Variants in PTPN14 observed in about 807,000 individuals in gnomAD.
PTPN14 encodes the protein tyrosine-protein phosphatase non-receptor type 14.
Under a neutral mutation model 126.8 loss-of-function variants are expected in PTPN14, and 53 were observed. The observed-to-expected ratio is 0.42, with a 90% CI of 0.34 to 0.53. The LOEUF (loss-of-function observed/expected upper bound fraction) is 0.53, where lower values mean the gene tolerates loss of function less well. Ranked by LOEUF, PTPN14 falls within the 20% of genes least tolerant of loss-of-function variation. The probability of loss-of-function intolerance (pLI) is 0.08; values close to 1 mark genes in which losing one functional copy is unlikely to be tolerated. For missense variants in PTPN14, 1,257 were observed against 1,552.9 expected (o/e 0.81, Z 3.20); for synonymous variants, 630 against 599.3 (o/e 1.05, Z -0.75).
chr1:214,489,064 G>A (rs1360964515), intron 1 of PTPN14, among the ~76,000 whole-genome samples: 1 of 152,120 alleles, frequency 6.6e-6, no homozygotes, highest in Non-Finnish European at 1.5e-5. Context: ...TTAAGATCTG[G>A]GCCTTGACTA....
At chr1:214,485,307 C>T (rs1472352797) in intron 1 of PTPN14, among the ~76,000 whole-genome samples, 1 of 152,158 alleles carries the variant, frequency 6.6e-6, no homozygotes, top group Non-Finnish European at 1.5e-5. Flanking sequence ...CAAAAAGCAC[C>T]GTGAAGCATT....
chr1:214,373,390 A>T (rs1348937477), intron 15 of PTPN14, among the ~76,000 whole-genome samples: 2 of 152,212 alleles, frequency 1.3e-5, no homozygotes, highest in Non-Finnish European at 2.9e-5. Context: ...CAGTATATGC[A>T]AACTAGTGCC....
chr1:214,406,371 C>T lies in PTPN14; in HGVS notation c.511-3418G>A, dbSNP rs575573207. Among the ~76,000 whole-genome samples the T allele has an allele frequency of 9.2e-5, 14 of 151,764 alleles. No homozygotes were observed. The South Asian group carries it at 2.5e-3, about 27-fold the overall frequency. ...CACATGCCTGTTGTCACAGGAGGGA[C>T]TTAGGAAGCTGAGGCAGGAGAATCG... On this transcript the variant is annotated intron_variant, in intron 5 of 18. Transcript: ENST00000366956.
At chr1:214,403,458 A>G (rs1042033983) in intron 5 of PTPN14, among the ~76,000 whole-genome samples, 22 of 152,294 alleles carry the variant, frequency 1.4e-4, no homozygotes, top group African/African-American at 5.3e-4. Context: ...TCACGGGGGC[A>G]GAGGAAGCCA....
In PTPN14 at chr1:214,425,027, C is replaced by A. The variant is rs1659630444; in HGVS notation, c.345-10301G>T. On this transcript the variant is annotated intron_variant, in intron 3 of 18. Transcript: ENST00000366956. ...GGCCAGGCTGGTCTCGAATTCCTGG[C>A]CTCAAGTGATCCACCTGCCTCGGCC... 2.0e-5 allele frequency among the ~76,000 whole-genome samples: 3 copies of A among 152,150 alleles called. No homozygotes were observed. In the South Asian group the frequency reaches 6.2e-4, roughly 32 times the overall value.
At chr1:214,438,928 G>C (rs1206080815) in intron 3 of PTPN14, among the ~76,000 whole-genome samples, 1 of 152,194 alleles carries the variant, frequency 6.6e-6, no homozygotes, top group East Asian at 1.9e-4. Context: ...CAATAGCTAT[G>C]CTAGCATCAT....
intron 1 of PTPN14, chr1:214,532,452 C>T (rs992489590): frequency 1.2e-6 from 1 of 811,166 alleles, no homozygotes; most frequent in Non-Finnish European, 2.1e-6. Context: ...GAAAGACCAC[C>T]TGGCCTCCTA....
At chr1:214,546,854 G>C (rs577002554) in intron 1 of PTPN14, among the ~76,000 whole-genome samples, 1 of 152,236 alleles carries the variant, frequency 6.6e-6, no homozygotes, top group Admixed American at 6.5e-5. Context: ...TACATGTAAG[G>C]TTGATCTAAG....
chr1:214,408,693 T>C (rs1279270532), intron 5 of PTPN14, among the ~76,000 whole-genome samples: 2 of 152,054 alleles, frequency 1.3e-5, no homozygotes, highest in African/African-American at 4.8e-5. Flanking sequence ...CGAAAACTGA[T>C]TTAACAGGAA....
At chr1:214,451,191 C>G (rs1019408833) in intron 3 of PTPN14, among the ~76,000 whole-genome samples, 1 of 152,046 alleles carries the variant, frequency 6.6e-6, no homozygotes, top group Non-Finnish European at 1.5e-5. Flanking sequence ...GACAGGGTCT[C>G]AGTCTGTTGC....
chr1:214,536,635 A>G (rs1655715777), intron 1 of PTPN14, among the ~76,000 whole-genome samples: 1 of 151,674 alleles, frequency 6.6e-6, no homozygotes, highest in South Asian at 2.1e-4. Context: ...AAAATAAAAA[A>G]TTAGCTGGGC....
chr1:214,368,804 G>A (rs768658688), intron 17 of PTPN14, among the ~76,000 whole-genome samples: 1 of 152,116 alleles, frequency 6.6e-6, no homozygotes, highest in Non-Finnish European at 1.5e-5. Flanking sequence ...CGAACATGGT[G>A]AAACCTCATC....
intron 1 of PTPN14, among the ~76,000 whole-genome samples, chr1:214,513,816 G>A (rs1169174517): frequency 6.6e-6 from 1 of 152,146 alleles, no homozygotes; most frequent in African/African-American, 2.4e-5. Context: ...GATTAAATGA[G>A]ATAATGTGTG....
rs114763948 is a variant in PTPN14 at position 214,444,522 on chromosome 1, T to C, written c.344+7283A>G. On this transcript the variant is annotated intron_variant, in intron 3 of 18. Coordinates refer to ENST00000366956, the MANE Select transcript of PTPN14 (RefSeq NM_005401.5). ...AACTGGAGGAACAAAATAAAGGGTG[T>C]TGTAAAAGGAAATGGAAATACTACC... is the stretch of plus-strand genomic sequence containing the variant. Among the ~76,000 whole-genome samples the C allele has an allele frequency of 2.2e-3, 334 of 152,178 alleles. 2 individuals carry two copies. The highest frequency in any genetic ancestry group is 7.4e-3 in the African/African-American group (309 of 41,506).
In PTPN14 at chr1:214,350,584, A is replaced by T. The variant is rs1253192885; in HGVS notation, c.*7338T>A. On this transcript the variant is annotated 3_prime_UTR_variant, in exon 19 of 19. Transcript: ENST00000366956. ...GAGACAAAGTCTCACTCTGTTGCCC[A>T]GGCTGGAGTGCAGTGGCATGATCTC... The T allele has an allele frequency of 8.2e-6, 1 of 121,928 alleles. No homozygotes were observed. The highest frequency in any genetic ancestry group is 1.6e-5 in the Non-Finnish European group (1 of 62,952). 7.6% of individuals were successfully genotyped at this position (121,928 alleles called of 1,614,324 possible). A position where few individuals can be genotyped will look rare whatever the true frequency, so the allele number is the denominator to read the frequency against.
chr1:214,487,975 G>A lies in PTPN14; in HGVS notation c.-154-23018C>T, dbSNP rs371727538. 3.6e-4 allele frequency among the ~76,000 whole-genome samples: 55 copies of A among 152,348 alleles called. 1 individual carries two copies. The highest frequency in any genetic ancestry group is 3.5e-3 in the East Asian group (18 of 5,186). ...CAACATTGCAGTCATGTTAGCAAGA[G>A]CAGACAGATGCAGTGCAGAGTTGGG... On this transcript the variant is annotated intron_variant, in intron 1 of 18. Transcript: ENST00000366956.
intron 6 of PTPN14, 27 bp from the exon 7 acceptor site, chr1:214,401,799 G>A (rs1332901797): frequency 1.3e-6 from 2 of 1,525,024 alleles, no homozygotes; most frequent in Non-Finnish European, 1.8e-6. Flanking sequence ...ATCAAAGGAA[G>A]AAATGGTTAA....
At chr1:214,548,468 T>C (rs371146409) in intron 1 of PTPN14, among the ~76,000 whole-genome samples, 13 of 152,232 alleles carry the variant, frequency 8.5e-5, no homozygotes, top group Non-Finnish European at 1.6e-4. Context: ...CATTCCTTAA[T>C]TGGCTAATTA....
rs1275722362 is a variant in PTPN14, at chr1:214,384,135, G to A, written c.1720C>T (p.Arg574Ter). 3.8e-6 allele frequency: 6 copies of A among 1,574,630 alleles called. No homozygotes were observed. The highest frequency in any genetic ancestry group is 5.2e-6 in the Non-Finnish European group (6 of 1,163,046). Residue 574 changes from arginine to a stop codon, truncating the protein, a stop_gained, in exon 13 of 19, where the codon CGA becomes TGA. Transcript: ENST00000366956. LOFTEE classifies it high-confidence loss of function. This position sits in a 1 kb window ranked among gnomAD's most constrained non-coding sequence, Gnocchi z 5.3. Reference sequence around the variant, plus strand: ...AGGTCTGGGGTGCTGGTGGCAGGTCGTGGCCGTGGGTAGGGGGGCGGTGGC... The same window carrying A: ...AGGTCTGGGGTGCTGGTGGCAGGTCATGGCCGTGGGTAGGGGGGCGGTGGC... ...FRPPPPYPRP[R>*]PATSTPDLAS...
Sources: gnomAD v4.1 joint callset for allele counts (sites outside exome capture counted in the v4.1 genomes callset) on GRCh38, gnomAD v4.1.1 for gene constraint, Gnocchi (gnomAD v3.1) non-coding constraint, MANE v1.5 for transcripts, NCBI Gene and HGNC (gene_info 2026-07-23, HGNC 2026-07-21) for gene names.